The following MARCHF7 variants were observed in gnomAD, a reference collection of about 807,000 sequenced individuals.
The protein encoded by MARCHF7 is membrane associated ring-CH-type finger 7.
MARCHF7 carries 20 observed loss-of-function variants against 76.5 expected under a neutral mutation model. The observed-to-expected ratio is 0.26, with a 90% CI of 0.18 to 0.38. The LOEUF is 0.38. Ranked by LOEUF, MARCHF7 falls within the 10% of genes least tolerant of loss-of-function variation. MARCHF7 has a pLI of 1.00. For missense variants in MARCHF7, 797 were observed against 812.9 expected, an observed-to-expected ratio of 0.98 and a Z score of 0.24; for synonymous variants, 295 against 293.0, an observed-to-expected ratio of 1.01 and a Z score of -0.07.
At chr2:159,761,068 C>T (rs1706995082) in intron 9 of MARCHF7, among the ~76,000 whole-genome samples, 2 of 151,032 alleles carry the variant, frequency 1.3e-5, no homozygotes, top group South Asian at 2.1e-4. Context: ...CCTTGTTGCC[C>T]AGGCTGGAGT....
At chr2:159,735,549 T>G (rs1703350459) in intron 4 of MARCHF7, among the ~76,000 whole-genome samples, 1 of 152,196 alleles carries the variant, frequency 6.6e-6, no homozygotes, top group Admixed American at 6.5e-5. Context: ...TTCCCTATTT[T>G]GGATTTTCAT....
chr2:159,725,852 A>T (rs940367418), intron 3 of MARCHF7, among the ~76,000 whole-genome samples: 7 of 152,204 alleles, frequency 4.6e-5, no homozygotes, highest in African/African-American at 1.2e-4. Context: ...GTTGTAGGAT[A>T]GAATGGTCTA....
At chr2:159,726,326 G>A (rs953058021) in intron 3 of MARCHF7, among the ~76,000 whole-genome samples, 5 of 152,004 alleles carry the variant, frequency 3.3e-5, no homozygotes, top group South Asian at 2.1e-4. Flanking sequence ...GCAGTGGCAC[G>A]ATCTCTGCTC....
In MARCHF7 at chr2:159,752,564, T is replaced by G. The variant is rs769657506; in HGVS notation, c.1776T>G (p.Ile592Met). Residue 592 changes from isoleucine to methionine, a missense_variant, in exon 8 of 12, where the codon ATT becomes ATG. Coordinates refer to ENST00000409175, the MANE Select transcript of MARCHF7 (RefSeq NM_001282805.2). ...DCMKKWLQAK[I>M]NSGSSLEAVT... is the part of the protein sequence containing the mutation. Reference sequence around the variant, plus strand: ...TGAAAAAGTGGTTACAGGCCAAAATTAACTCTGGTAAGATTTACCCTTTTG... The same window carrying G: ...TGAAAAAGTGGTTACAGGCCAAAATGAACTCTGGTAAGATTTACCCTTTTG... The G allele has an allele frequency of 6.6e-7, 1 of 1,516,796 alleles. No homozygotes were observed. The highest frequency in any genetic ancestry group is 2.5e-5 in the East Asian group (1 of 40,090). 94.0% of individuals were successfully genotyped at this position (1,516,796 alleles called of 1,614,324 possible). A position where few individuals can be genotyped will look rare whatever the true frequency, so the allele number is the denominator to read the frequency against.
At chr2:159,754,124 G>A (rs953735978) in intron 8 of MARCHF7, among the ~76,000 whole-genome samples, 21 of 152,162 alleles carry the variant, frequency 1.4e-4, no homozygotes, top group African/African-American at 4.3e-4. Context: ...TTATGAACAC[G>A]AGAGTAATAA....
intron 4 of MARCHF7, among the ~76,000 whole-genome samples, chr2:159,730,972 C>T (rs961909823): frequency 6.6e-5 from 10 of 152,178 alleles, no homozygotes; most frequent in African/African-American, 2.4e-4. Flanking sequence ...TCACTACAGC[C>T]TAGACCTCCC....
intron 3 of MARCHF7, among the ~76,000 whole-genome samples, chr2:159,717,555 T>G (rs1291836910): frequency 2.0e-5 from 3 of 152,240 alleles, no homozygotes; most frequent in African/African-American, 4.8e-5. Context: ...AACTTCATTT[T>G]GTGAAGTATT....
intron 4 of MARCHF7, among the ~76,000 whole-genome samples, chr2:159,730,870 G>T (rs1291975815): frequency 6.6e-6 from 1 of 152,000 alleles, no homozygotes; most frequent in Non-Finnish European, 1.5e-5. Context: ...ATCTTTTTCT[G>T]TTGTGATTGT....
intron 4 of MARCHF7, chr2:159,733,218 C>A: frequency 1.2e-6 from 1 of 868,070 alleles, no homozygotes; most frequent in Non-Finnish European, 1.4e-6. Context: ...GTTAAGATTA[C>A]TCAGTGTCAA....
intron 8 of MARCHF7, among the ~76,000 whole-genome samples, chr2:159,756,783 G>T (rs903785017): frequency 6.6e-6 from 1 of 150,568 alleles, no homozygotes; most frequent in Non-Finnish European, 1.5e-5. Context: ...TCCATCTTCA[G>T]TAAAATTGAA....
At position 159,770,086 on chromosome 2, in the gene MARCHF7, G is replaced by GTTT. The variant is rs1464649027; in HGVS notation, c.*2744_*2745insTTT. ...TACCCAAATTCTACCACTCCTTTAA[G>GTTT]AACTCCTTTAGAACTCTTTTAGTTC... On this transcript the variant is annotated 3_prime_UTR_variant, in exon 12 of 12. Transcript: ENST00000409175. 6.6e-6 allele frequency: 1 copy of GTTT among 151,894 alleles called. No homozygotes were observed. The highest frequency in any genetic ancestry group is 1.5e-5 in the Non-Finnish European group (1 of 68,014). 9.4% of individuals were successfully genotyped at this position (151,894 alleles called of 1,614,324 possible).
intron 5 of MARCHF7, among the ~76,000 whole-genome samples, chr2:159,744,127 A>C (rs1044988849): frequency 6.0e-5 from 9 of 149,818 alleles, no homozygotes; most frequent in Non-Finnish European, 9.0e-5. Context: ...AGCTGGGACT[A>C]CAGGCGCCCG....
chr2:159,734,013 A>C (rs996351185), intron 4 of MARCHF7: 12 of 1,351,214 alleles, frequency 8.9e-6, no homozygotes, highest in East Asian at 2.7e-5. Context: ...TACTTCTGCT[A>C]TCCCATCTTT....
chr2:159,715,284 A>G (rs1700902926), intron 2 of MARCHF7, among the ~76,000 whole-genome samples: 1 of 152,226 alleles, frequency 6.6e-6, no homozygotes, highest in Non-Finnish European at 1.5e-5. Flanking sequence ...CTTAATATAC[A>G]GCATTTGCTA....
chr2:159,761,537 C>CCCAAGTAG (rs200331085), intron 9 of MARCHF7, among the ~76,000 whole-genome samples: 9,641 of 149,900 alleles, frequency 0.064, 383 homozygotes, highest in Non-Finnish European at 0.092. Context: ...GCCTCAGCCT[C>CCCAAGTAG]CCAAGTAGCT....
intron 11 of MARCHF7, among the ~76,000 whole-genome samples, chr2:159,764,971 A>G (rs1412832253): frequency 6.6e-6 from 1 of 152,060 alleles, no homozygotes; most frequent in East Asian, 1.9e-4. Context: ...AAAGGCATAA[A>G]TCTTAACTAC....
intron 3 of MARCHF7, among the ~76,000 whole-genome samples, chr2:159,723,019 G>C (rs1701799242): frequency 6.6e-6 from 1 of 152,148 alleles, no homozygotes; most frequent in Non-Finnish European, 1.5e-5. Flanking sequence ...TAATATTGAC[G>C]TATGTCTTTT....
intron 4 of MARCHF7, among the ~76,000 whole-genome samples, chr2:159,742,037 A>G (rs976436666): frequency 6.6e-6 from 1 of 152,208 alleles, no homozygotes; most frequent in African/African-American, 2.4e-5. Context: ...AAGGAGACAA[A>G]CTGTTGCCTT....
At chr2:159,714,181 A>G (rs905777664) in intron 1 of MARCHF7, among the ~76,000 whole-genome samples, 5 of 152,194 alleles carry the variant, frequency 3.3e-5, no homozygotes, top group African/African-American at 1.2e-4. Flanking sequence ...ATGTTCAAGA[A>G]TCGTCTACAT....
Sources: allele counts gnomAD v4.1 joint callset (sites outside exome capture counted in the v4.1 genomes callset), GRCh38; gene constraint gnomAD v4.1.1; transcripts MANE v1.5; gene names NCBI Gene and HGNC (gene_info 2026-07-23, HGNC 2026-07-21).